The following WDR25 variants were observed in gnomAD, a reference collection of about 807,000 sequenced individuals.
WDR25 encodes WD repeat domain 25, also known as WD repeat-containing protein 25.
Under a neutral mutation model 47.7 loss-of-function variants are expected in WDR25, and 35 were observed. That is an observed-to-expected ratio of 0.73 (90% CI 0.56 to 0.97). The LOEUF (loss-of-function observed/expected upper bound fraction) is 0.97. Ranked by LOEUF, WDR25 falls within the 50% of genes least tolerant of loss-of-function variation. The pLI, the probability that WDR25 is intolerant of heterozygous loss-of-function variation, is 0.00. For synonymous variants in WDR25, 248 were observed against 278.9 expected (o/e 0.89, Z 1.10); for missense variants, 634 against 704.7 (o/e 0.90, Z 1.14).
intron 2 of WDR25, among the ~76,000 whole-genome samples, chr14:100,420,037 G>T: frequency 6.6e-6 from 1 of 152,230 alleles, no homozygotes; most frequent in East Asian, 1.9e-4. Flanking sequence ...TGCTCGCAGG[G>T]CCCACCTGGT....
At chr14:100,419,188 C>T (rs1388312059) in intron 2 of WDR25, among the ~76,000 whole-genome samples, 2 of 150,216 alleles carry the variant, frequency 1.3e-5, no homozygotes, top group East Asian at 3.9e-4. Context: ...CGCCACTGCA[C>T]TCCAGCCTGG....
intron 3 of WDR25, among the ~76,000 whole-genome samples, chr14:100,470,758 G>T (rs1389324257): frequency 1.3e-5 from 2 of 152,166 alleles, no homozygotes. Flanking sequence ...GTTGGTGATA[G>T]GACTGCGTTT....
At chr14:100,438,368 G>A (rs1898563616) in intron 2 of WDR25, among the ~76,000 whole-genome samples, 3 of 152,178 alleles carry the variant, frequency 2.0e-5, no homozygotes, top group Admixed American at 1.3e-4. Flanking sequence ...TAATATTGTC[G>A]CTTAATAAGA....
intron 2 of WDR25, chr14:100,454,505 C>T (rs1053647048): frequency 7.9e-5 from 95 of 1,200,976 alleles, no homozygotes; most frequent in Non-Finnish European, 9.1e-5. Flanking sequence ...CAGCTAACAA[C>T]TATAAACTGT....
chr14:100,490,533 A>C (rs1236388893), intron 4 of WDR25, among the ~76,000 whole-genome samples: 1 of 152,254 alleles, frequency 6.6e-6, no homozygotes, highest in Admixed American at 6.5e-5. Context: ...GACCTGACTG[A>C]TCTAGGGCAC....
chr14:100,525,931 G>T lies in WDR25; in HGVS notation c.1163G>T (p.Gly388Val), dbSNP rs767197379. 3.7e-6 allele frequency: 6 copies of T among 1,613,852 alleles called. No individual in the cohort carries two copies. The highest frequency in any genetic ancestry group is 1.7e-5 in the Admixed American group (1 of 59,994). ...QTLDILFLRE[G>V]SEFLSSTDAS... ...TTGGACATCCTGTTCCTCCGGGAAGGCTCCGAGTTCCTGAGCAGCACAGAC... is the reference window on the plus strand; with the variant it reads ...TTGGACATCCTGTTCCTCCGGGAAGTCTCCGAGTTCCTGAGCAGCACAGAC... Residue 388 changes from glycine to valine, a missense_variant, in exon 5 of 7, where the codon GGC (glycine) becomes GTC (valine). Gly to Val is a moderately radical substitution (Grantham distance 109). Coordinates refer to ENST00000402312, the MANE Select transcript of WDR25 (RefSeq NM_001161476.3). This position sits in a 1 kb window ranked among gnomAD's most constrained non-coding sequence, Gnocchi z 4.6.
At chr14:100,395,853 T>C (rs1168182490) in intron 2 of WDR25, among the ~76,000 whole-genome samples, 1 of 152,114 alleles carries the variant, frequency 6.6e-6, no homozygotes, top group African/African-American at 2.4e-5. Context: ...CTCCAGTCTG[T>C]GCAGGAGGCA....
chr14:100,441,190 G>C (rs1898657657), intron 2 of WDR25, among the ~76,000 whole-genome samples: 1 of 152,166 alleles, frequency 6.6e-6, no homozygotes, highest in Non-Finnish European at 1.5e-5. Flanking sequence ...GAGGCACTCT[G>C]TTCATTTACC....
chr14:100,466,733 G>T (rs1193047423), intron 2 of WDR25, among the ~76,000 whole-genome samples: 1 of 152,236 alleles, frequency 6.6e-6, no homozygotes, highest in Non-Finnish European at 1.5e-5. Context: ...CACGCTGGCT[G>T]CAAGTGCTCC....
chr14:100,384,944 A>G (rs1249970486), intron 2 of WDR25, among the ~76,000 whole-genome samples: 1 of 152,204 alleles, frequency 6.6e-6, no homozygotes, highest in African/African-American at 2.4e-5. Context: ...TTGAGTATCT[A>G]TAAAGTGGAG....
chr14:100,511,219 A>T (rs1203238468), intron 4 of WDR25, among the ~76,000 whole-genome samples: 1 of 152,124 alleles, frequency 6.6e-6, no homozygotes, highest in Non-Finnish European at 1.5e-5. Context: ...AATGTTTTGT[A>T]GTTTTCATAG....
In WDR25 at chr14:100,529,784, G is replaced by A. The variant is rs759935076; in HGVS notation, c.1414-36G>A. On this transcript the variant is annotated intron_variant, in intron 6 of 6. Transcript: ENST00000402312. The surrounding 1 kb of genome is among the most constrained non-coding windows in gnomAD (Gnocchi z 5.1). Reference sequence around the variant, plus strand: ...GGGCATACTCACCCCGGCTTGACAGGTGCGGCTTGCTCACCCACTGTGTCC... The same window carrying A: ...GGGCATACTCACCCCGGCTTGACAGATGCGGCTTGCTCACCCACTGTGTCC... 1.1e-5 allele frequency: 17 copies of A among 1,598,388 alleles called. No individual in the cohort carries two copies. Among genetic ancestry groups the A allele is most frequent in the African/African-American group, 6.7e-5 (5 of 74,734 alleles).
intron 2 of WDR25, among the ~76,000 whole-genome samples, chr14:100,436,773 C>T (rs1416149141): frequency 6.6e-6 from 1 of 152,182 alleles, no homozygotes; most frequent in Non-Finnish European, 1.5e-5. Context: ...TCTGGCTGGG[C>T]ATCATATGTG....
intron 4 of WDR25, among the ~76,000 whole-genome samples, chr14:100,510,087 A>G (rs866316882): frequency 6.6e-6 from 1 of 151,766 alleles, no homozygotes; most frequent in African/African-American, 2.4e-5. Flanking sequence ...CCTGGCCAAC[A>G]TGGCAAAACC....
chr14:100,528,437 T>TC, intron 5 of WDR25, among the ~76,000 whole-genome samples: 1 of 142,286 alleles, frequency 7.0e-6, no homozygotes, highest in Non-Finnish European at 1.5e-5. Context: ...CTTTCTTTCT[T>TC]TTTTTTTTTT....
chr14:100,464,637 A>AC (rs1162457573), intron 2 of WDR25, among the ~76,000 whole-genome samples: 5 of 139,666 alleles, frequency 3.6e-5, no homozygotes, highest in East Asian at 2.1e-4. Flanking sequence ...CATCGCATCA[A>AC]CCCAGTGCAT....
chr14:100,381,962 A>G (rs908777344), intron 2 of WDR25: 2 of 654,756 alleles, frequency 3.1e-6, no homozygotes, highest in Non-Finnish European at 5.5e-6. Context: ...TGCTCAGGTT[A>G]CCAGAGGATA....
At position 100,529,371 on chromosome 14, in the gene WDR25, C is replaced by T. The variant is rs1282870188; in HGVS notation, c.1413+163C>T. 1.8e-6 allele frequency: 2 copies of T among 1,087,586 alleles called. No homozygotes were observed. Among genetic ancestry groups the T allele is most frequent in the South Asian group, 3.1e-5 (2 of 64,472 alleles). The allele number at this position is 1,087,586 out of a possible 1,614,324, so 67.4% of individuals were successfully genotyped here. ...CATGTGGCTCACTGTCTCTTCAAGT[C>T]CCTGAACCACATCTGGTCCTCACCC... On this transcript the variant is annotated intron_variant, in intron 6 of 6. Coordinates refer to ENST00000402312, the MANE Select transcript of WDR25 (RefSeq NM_001161476.3). This position sits in a 1 kb window ranked among gnomAD's most constrained non-coding sequence, Gnocchi z 5.1.
chr14:100,454,459 TA>T, intron 2 of WDR25: 1 of 1,285,994 alleles, frequency 7.8e-7, no homozygotes, highest in Non-Finnish European at 1.0e-6. Context: ...TGGCTTCCAG[TA>T]ATGAAGCAGT....
Sources: gnomAD v4.1 joint callset for allele counts (sites outside exome capture counted in the v4.1 genomes callset) on GRCh38, gnomAD v4.1.1 for gene constraint, Gnocchi (gnomAD v3.1) non-coding constraint, MANE v1.5 for transcripts, NCBI Gene and HGNC (gene_info 2026-07-23, HGNC 2026-07-21) for gene names.